The following ZNF385C variants were observed in gnomAD, a reference collection of about 807,000 sequenced individuals.
ZNF385C encodes CTD-2132N18.2.
A neutral mutation model predicts 35.4 loss-of-function variants in ZNF385C; 28 were observed. The observed-to-expected ratio is 0.79, with a 90% confidence interval of 0.59 to 1.08. ZNF385C has a LOEUF of 1.08. Ranked by LOEUF, ZNF385C falls within the 50% of genes least tolerant of loss-of-function variation. The pLI is 0.00. For missense variants in ZNF385C, 605 were observed against 595.6 expected (o/e 1.02, Z -0.16); for synonymous variants, 248 against 248.2 (o/e 1.00, Z 0.01).
At chr17:42,037,971 T>A in intron 2 of ZNF385C, 86 bp from the exon 3 acceptor site, 1 of 1,541,878 alleles carries the variant, frequency 6.5e-7, no homozygotes. Flanking sequence ...TTCTTGGGTG[T>A]GGAGCTGGGC....
intron 2 of ZNF385C, chr17:42,042,992 CTT>C (rs2053061417): frequency 4.1e-6 from 5 of 1,232,286 alleles, no homozygotes; most frequent in Non-Finnish European, 5.1e-6. Flanking sequence ...AGCACAGCCA[CTT>C]TGGCCGGGTC....
Position 42,028,918 on chromosome 17 carries a change from G to A in ZNF385C, c.832C>T (p.Pro278Ser). 6 of 1,550,608 alleles carry A rather than the reference G, an allele frequency of 3.9e-6. No homozygotes were observed. Among genetic ancestry groups the A allele is most frequent in the South Asian group, 1.2e-5 (1 of 84,066 alleles). Residue 278 changes from proline to serine, a missense_variant, in exon 6 of 9, where the codon CCG (proline) becomes TCG (serine). By Grantham distance (74) the Pro-to-Ser change is moderately conservative. Coordinates refer to ENST00000692273, the MANE Select transcript of ZNF385C (RefSeq NM_001392013.1). ...PCSPEPGREAPGPEPAAAAVG... is the reference protein window; with the variant it reads ...PCSPEPGREASGPEPAAAAVG... ...GCAGCTGCCGCTGGCTCAGGCCCCG[G>A]TGCCTCTCTCCCAGGCTCTGGGGAG...
At chr17:42,090,896 C>T (rs1043378369) in intron 1 of ZNF385C, among the ~76,000 whole-genome samples, 9 of 151,968 alleles carry the variant, frequency 5.9e-5, no homozygotes, top group African/African-American at 2.2e-4. Context: ...AAAAGAGAAC[C>T]TATCTTGTTC....
In ZNF385C at chr17:42,027,134, C is replaced by G. The variant is rs782339911; in HGVS notation, c.1276-1G>C. ...GTTGCTTCTGCAAGGCCAGTTTAGA[C>G]TACACGGAAAAGAAAGGAATGGACA... On this transcript the variant is annotated splice_acceptor_variant, in intron 8 of 8. Coordinates refer to ENST00000692273, the MANE Select transcript of ZNF385C (RefSeq NM_001392013.1). LOFTEE classifies it high-confidence loss of function. 1 of 1,613,296 alleles carries G rather than the reference C, an allele frequency of 6.2e-7. No individual in the cohort carries two copies. Among genetic ancestry groups the G allele is most frequent in the Non-Finnish European group, 8.5e-7 (1 of 1,179,776 alleles).
intron 1 of ZNF385C, among the ~76,000 whole-genome samples, chr17:42,084,336 A>C (rs1232678150): frequency 1.3e-5 from 2 of 151,662 alleles, no homozygotes; most frequent in African/African-American, 2.4e-5. Context: ...AAAAAAAAAA[A>C]ACCCAAAACC....
chr17:42,034,241 A>T lies in ZNF385C; in HGVS notation c.494T>A (p.Leu165Gln), dbSNP rs910714449. 6 of 1,550,378 alleles carry T rather than the reference A, an allele frequency of 3.9e-6. No individual in the cohort carries two copies. In the East Asian group the frequency reaches 1.5e-4, roughly 38 times the overall value. Residue 165 changes from leucine (L) to glutamine (Q), a missense_variant, in exon 4 of 9, where the codon CTG becomes CAG. Coordinates refer to ENST00000692273, the MANE Select transcript of ZNF385C (RefSeq NM_001392013.1). ...TTGTCTCACCGCTGAGTTGAACCTC[A>T]GGTGACAGATGTTACAGGAAATGAA... is the stretch of plus-strand genomic sequence containing the variant. ...KLFISCNICH[L>Q]RFNSANQAEA...
chr17:42,092,140 C>T (rs532316641), intron 1 of ZNF385C, among the ~76,000 whole-genome samples: 3 of 152,278 alleles, frequency 2.0e-5, no homozygotes, highest in Middle Eastern at 3.4e-3. Context: ...AGGTTCATGA[C>T]GGTAATCTTA....
intron 2 of ZNF385C, among the ~76,000 whole-genome samples, chr17:42,053,211 C>T (rs1176814754): frequency 6.6e-6 from 1 of 152,210 alleles, no homozygotes; most frequent in Non-Finnish European, 1.5e-5. Context: ...CGCACTGCCT[C>T]CAGGCCCTTG....
intron 1 of ZNF385C, among the ~76,000 whole-genome samples, chr17:42,085,399 G>T (rs1484280531): frequency 6.6e-6 from 1 of 151,592 alleles, no homozygotes; most frequent in African/African-American, 2.4e-5. Flanking sequence ...CTCCTGAGCA[G>T]CTGGGACTAC....
At chr17:42,075,482 C>T (rs2053673817) in intron 1 of ZNF385C, among the ~76,000 whole-genome samples, 1 of 148,220 alleles carries the variant, frequency 6.7e-6, no homozygotes, top group Non-Finnish European at 1.5e-5. Context: ...AGTTACATTC[C>T]TTTATACTCC....
intron 1 of ZNF385C, among the ~76,000 whole-genome samples, chr17:42,065,846 C>T (rs1172616895): frequency 6.6e-6 from 1 of 152,094 alleles, no homozygotes; most frequent in African/African-American, 2.4e-5. Flanking sequence ...GAGCTCCATG[C>T]TGATTCATAC....
intron 1 of ZNF385C, among the ~76,000 whole-genome samples, chr17:42,071,285 G>T (rs763694623): frequency 6.6e-6 from 1 of 152,168 alleles, no homozygotes; most frequent in Non-Finnish European, 1.5e-5. Context: ...TTTCAGGAGT[G>T]AGCTGCTGAA....
chr17:42,048,061 A>G (rs1468829346), intron 2 of ZNF385C, among the ~76,000 whole-genome samples: 3 of 151,684 alleles, frequency 2.0e-5, no homozygotes, highest in Non-Finnish European at 4.4e-5. Flanking sequence ...TCCTCTGTCC[A>G]TCACTCCTTG....
At chr17:42,054,552 G>T (rs2053341523) in intron 2 of ZNF385C, among the ~76,000 whole-genome samples, 1 of 151,790 alleles carries the variant, frequency 6.6e-6, no homozygotes, top group African/African-American at 2.4e-5. Flanking sequence ...AGGAAGGAGA[G>T]GAGGGAGTTT....
intron 1 of ZNF385C, among the ~76,000 whole-genome samples, chr17:42,076,260 T>C (rs1226109125): frequency 6.6e-6 from 1 of 152,192 alleles, no homozygotes; most frequent in African/African-American, 2.4e-5. Context: ...CCATGCCCTT[T>C]CCCACTCATT....
At chr17:42,054,582 CTTT>C (rs56706078) in intron 2 of ZNF385C, among the ~76,000 whole-genome samples, 1 of 135,564 alleles carries the variant, frequency 7.4e-6, no homozygotes, top group African/African-American at 2.7e-5. Context: ...ACTAGAACTT[CTTT>C]TTTTTTTTTT....
At chr17:42,056,733 A>G (rs952810385) in intron 2 of ZNF385C, among the ~76,000 whole-genome samples, 2 of 152,108 alleles carry the variant, frequency 1.3e-5, no homozygotes, top group Non-Finnish European at 2.9e-5. Context: ...GTACTGAAAA[A>G]GTCTCACGAG....
intron 2 of ZNF385C, chr17:42,061,715 A>G (rs2053464747): frequency 6.6e-6 from 1 of 152,214 alleles, no homozygotes; most frequent in Admixed American, 6.6e-5. Flanking sequence ...TACTCCCCTC[A>G]TCCATGTTCC....
chr17:42,068,384 A>C (rs1275260295), intron 1 of ZNF385C, among the ~76,000 whole-genome samples: 4 of 152,326 alleles, frequency 2.6e-5, no homozygotes, highest in Admixed American at 1.3e-4. Context: ...AAGACGATGC[A>C]TGAGCTGATT....
Sources: gnomAD v4.1 joint callset for allele counts (sites outside exome capture counted in the v4.1 genomes callset) on GRCh38, gnomAD v4.1.1 for gene constraint, MANE v1.5 for transcripts, NCBI Gene and HGNC (gene_info 2026-07-23, HGNC 2026-07-21) for gene names.